The following DPP6 variants were observed in gnomAD, a reference collection of about 807,000 sequenced individuals.
DPP6 encodes dipeptidyl peptidase like 6.
DPP6 carries 69 observed loss-of-function variants against 122.6 expected under a neutral mutation model. The ratio of observed to expected loss-of-function variants is 0.56; its 90% confidence interval spans 0.46 to 0.69. DPP6 has a LOEUF of 0.69. Among genes scored for constraint, DPP6 ranks in the 30% least tolerant of loss-of-function variants. DPP6 has a pLI of 0.00. For synonymous variants in DPP6, 418 were observed against 433.1 expected (o/e 0.97, Z 0.43); for missense variants, 928 against 1,116.9 (o/e 0.83, Z 2.41).
At chr7:153,910,838 T>C (rs997710541) in intron 1 of DPP6, among the ~76,000 whole-genome samples, 1 of 152,114 alleles carries the variant, frequency 6.6e-6, no homozygotes, top group Admixed American at 6.6e-5. Flanking sequence ...AACAAGCAGC[T>C]CGGGTTTCAG....
chr7:154,744,165 T>G (rs1291499961), intron 8 of DPP6, among the ~76,000 whole-genome samples: 1 of 151,914 alleles, frequency 6.6e-6, no homozygotes, highest in East Asian at 1.9e-4. Flanking sequence ...AAAAGCAGCT[T>G]CTCCAAGCTT....
chr7:154,722,928 C>G (rs968701763), intron 7 of DPP6, among the ~76,000 whole-genome samples: 1 of 152,162 alleles, frequency 6.6e-6, no homozygotes, highest in South Asian at 2.1e-4. Flanking sequence ...GAACTTGATG[C>G]CTTCCATCTT....
intron 7 of DPP6, among the ~76,000 whole-genome samples, chr7:154,680,149 G>A (rs973411205): frequency 2.0e-5 from 3 of 152,140 alleles, no homozygotes; most frequent in African/African-American, 7.2e-5. Context: ...GTAATCATAG[G>A]ATTATGGGGG....
At chr7:154,284,319 G>C (rs184013901) in intron 1 of DPP6, among the ~76,000 whole-genome samples, 4 of 152,132 alleles carry the variant, frequency 2.6e-5, no homozygotes. Flanking sequence ...TAACAAATTA[G>C]TTATGTTTCT....
At chr7:154,590,457 C>T (rs1471456420) in intron 5 of DPP6, among the ~76,000 whole-genome samples, 2 of 149,788 alleles carry the variant, frequency 1.3e-5, no homozygotes, top group Non-Finnish European at 1.5e-5. Context: ...CGGGTAGGTC[C>T]GTGTTATGTT....
intron 8 of DPP6, among the ~76,000 whole-genome samples, chr7:154,751,047 G>A (rs1843355154): frequency 1.3e-5 from 2 of 152,300 alleles, no homozygotes; most frequent in East Asian, 1.9e-4. Flanking sequence ...CAGTGCCTCT[G>A]CTCTCTCATG....
chr7:153,789,127 G>C, the DPP6 span, among the ~76,000 whole-genome samples: 1 of 152,164 alleles, frequency 6.6e-6, no homozygotes, highest in East Asian at 1.9e-4. Flanking sequence ...TAATGCTCTT[G>C]CTGGCTTGGA....
intron 7 of DPP6, among the ~76,000 whole-genome samples, chr7:154,672,882 A>G (rs551231483): frequency 1.3e-5 from 2 of 152,348 alleles, no homozygotes; most frequent in African/African-American, 4.8e-5. Context: ...GCATGGAAGC[A>G]GCTGCAGACA....
intron 16 of DPP6, among the ~76,000 whole-genome samples, chr7:154,827,667 G>A (rs962730627): frequency 1.4e-4 from 21 of 147,792 alleles, no homozygotes; most frequent in Non-Finnish European, 2.4e-4. Flanking sequence ...CTGGCAGGGG[G>A]GTGGTGTCGC....
chr7:153,839,113 C>A, the DPP6 span, among the ~76,000 whole-genome samples: 1 of 149,438 alleles, frequency 6.7e-6, no homozygotes, highest in Admixed American at 6.6e-5. Context: ...ACACTGGCAA[C>A]CACTGCTCTA....
At chr7:154,027,632 A>C (rs763997125) in intron 1 of DPP6, among the ~76,000 whole-genome samples, 2 of 151,994 alleles carry the variant, frequency 1.3e-5, no homozygotes, top group Non-Finnish European at 2.9e-5. Flanking sequence ...GGCGGCATTA[A>C]ATAGTCGATG....
Position 154,243,577 on chromosome 7 carries a change from C to T in DPP6, c.243+190514C>T, listed in dbSNP as rs546956343. Among the ~76,000 whole-genome samples the T allele has an allele frequency of 8.1e-4, 123 of 152,120 alleles. 1 individual carries two copies. The highest frequency in any genetic ancestry group is 2.5e-3 in the African/African-American group (105 of 41,492). ...TTGGGAGGCCAAGGTGGGCAGATCA[C>T]GAGGTCAGGAGATTGAGACCATCCT... On this transcript the variant is annotated intron_variant, in intron 1 of 25. Transcript: ENST00000377770.
At chr7:154,715,615 A>C (rs1340324767) in intron 7 of DPP6, among the ~76,000 whole-genome samples, 5 of 152,134 alleles carry the variant, frequency 3.3e-5, no homozygotes, top group Non-Finnish European at 7.4e-5. Flanking sequence ...AATGTGAGGA[A>C]CTTCAGTGTG....
intron 7 of DPP6, among the ~76,000 whole-genome samples, chr7:154,697,797 C>T (rs35624666): frequency 6.6e-6 from 1 of 152,294 alleles, no homozygotes; most frequent in East Asian, 1.9e-4. Context: ...ATTCCCACCA[C>T]CTTCAGCCAT....
intron 5 of DPP6, among the ~76,000 whole-genome samples, chr7:154,572,925 C>T (rs891154167): frequency 1.3e-5 from 2 of 152,054 alleles, no homozygotes; most frequent in Non-Finnish European, 2.9e-5. Flanking sequence ...TTTGATCCAC[C>T]CGCCTCGGCC....
At chr7:154,631,405 G>T (rs1835399632) in intron 5 of DPP6, among the ~76,000 whole-genome samples, 1 of 152,208 alleles carries the variant, frequency 6.6e-6, no homozygotes, top group South Asian at 2.1e-4. Flanking sequence ...TTAGCTGGGA[G>T]AACTCATTTT....
intron 1 of DPP6, among the ~76,000 whole-genome samples, chr7:153,967,025 C>T (rs144902777): frequency 0.029 from 4,169 of 144,390 alleles, 290 homozygotes; most frequent in African/African-American, 0.11. Context: ...CCTGATGGTG[C>T]CACAGCACTC....
intron 1 of DPP6, among the ~76,000 whole-genome samples, chr7:154,116,409 TG>T (rs1420507398): frequency 4.6e-5 from 7 of 152,260 alleles, no homozygotes; most frequent in Non-Finnish European, 1.0e-4. Context: ...GAACCATTTA[TG>T]TTCTGGCCTT....
chr7:154,228,298 C>G (rs1282940589), intron 1 of DPP6, among the ~76,000 whole-genome samples: 1 of 152,136 alleles, frequency 6.6e-6, no homozygotes, highest in Non-Finnish European at 1.5e-5. Context: ...ACTAATCAGT[C>G]CATTCTTTCC....
Sources: allele counts gnomAD v4.1 joint callset (sites outside exome capture counted in the v4.1 genomes callset), GRCh38; gene constraint gnomAD v4.1.1; transcripts MANE v1.5; gene names NCBI Gene and HGNC (gene_info 2026-07-23, HGNC 2026-07-21).